RPS6KA6: variants seen among roughly 807,000 people sequenced by gnomAD.
The protein encoded by RPS6KA6 is ribosomal protein S6 kinase A6, also known as ribosomal protein S6 kinase alpha-6.
A neutral mutation model predicts 65.4 loss-of-function variants in RPS6KA6; 27 were observed. The ratio of observed to expected loss-of-function variants is 0.41; its 90% confidence interval spans 0.30 to 0.57. The LOEUF is 0.57. Ranked by LOEUF, RPS6KA6 falls within the 20% of genes least tolerant of loss-of-function variation. RPS6KA6 has a pLI of 0.24. For synonymous variants in RPS6KA6, 190 were observed against 184.2 expected (o/e 1.03, Z -0.26); for missense variants, 486 against 555.6 (o/e 0.87, Z 1.26).
At chrX:84,120,626 G>A (rs2017349269) in intron 8 of RPS6KA6, among the ~76,000 whole-genome samples, 2 of 111,280 alleles carry the variant, frequency 1.8e-5, no homozygotes, top group South Asian at 3.7e-4. Context: ...ATTATATGCT[G>A]AAAACTGGAA....
intron 1 of RPS6KA6, among the ~76,000 whole-genome samples, chrX:84,183,675 C>A (rs189091649): frequency 1.3e-3 from 141 of 111,220 alleles, no homozygotes; most frequent in African/African-American, 4.5e-3. Flanking sequence ...ATTTCCATGC[C>A]TTTTCTTATA....
Position 84,060,803 on chromosome X carries a change from G to T in RPS6KA6, c.*3474C>A, listed in dbSNP as rs1000350432. ...GAACTGAATTTAAAATTATCACCTT[G>T]TTAGATTGCCTGAAGATCCAGCAAC... On this transcript the variant is annotated 3_prime_UTR_variant, in exon 22 of 22. Coordinates refer to ENST00000262752, the MANE Select transcript of RPS6KA6 (RefSeq NM_014496.5). 1 of 111,980 alleles carries T rather than the reference G, an allele frequency of 8.9e-6. No homozygotes were observed. Among genetic ancestry groups the T allele is most frequent in the Non-Finnish European group, 1.9e-5 (1 of 53,171 alleles). The allele number at this position is 111,980 out of a possible 1,213,427, so 9.2% of individuals were successfully genotyped here.
chrX:84,187,263 G>T (rs1308478492), intron 1 of RPS6KA6: 1 of 111,687 alleles, frequency 9.0e-6, no homozygotes. Flanking sequence ...TCTCGACATG[G>T]GTCATTACAA....
At chrX:84,104,193 CTT>C (rs769532825) in intron 17 of RPS6KA6, among the ~76,000 whole-genome samples, 73 of 111,019 alleles carry the variant, frequency 6.6e-4, no homozygotes, top group Non-Finnish European at 1.1e-3. Flanking sequence ...CACTGTATGT[CTT>C]TGGTTAATTC....
chrX:84,067,932 C>G (rs746561635), intron 20 of RPS6KA6, among the ~76,000 whole-genome samples: 2 of 111,856 alleles, frequency 1.8e-5, no homozygotes, highest in South Asian at 7.4e-4. Flanking sequence ...CTGCAGAAAC[C>G]CTACAAGCCT....
intron 2 of RPS6KA6, among the ~76,000 whole-genome samples, chrX:84,158,815 C>T (rs868049224): frequency 9.0e-6 from 1 of 111,340 alleles, no homozygotes; most frequent in African/African-American, 3.3e-5. Context: ...CCCTGGTTGC[C>T]CATAAGAATC....
At chrX:84,097,198 T>C (rs1179665052) in intron 19 of RPS6KA6, among the ~76,000 whole-genome samples, 2 of 111,820 alleles carry the variant, frequency 1.8e-5, no homozygotes, top group African/African-American at 6.5e-5. Context: ...CACTTCTAAA[T>C]AAAAGTGCTA....
chrX:84,141,392 A>C (rs2035099978), intron 6 of RPS6KA6, among the ~76,000 whole-genome samples: 1 of 107,846 alleles, frequency 9.3e-6, no homozygotes, highest in Non-Finnish European at 1.9e-5. Flanking sequence ...ACAACAGCAG[A>C]GATAAAAATG....
chrX:84,099,035 C>T (rs928825690), intron 18 of RPS6KA6, among the ~76,000 whole-genome samples: 1 of 111,090 alleles, frequency 9.0e-6, no homozygotes, highest in Non-Finnish European at 1.9e-5. Context: ...TTCCAATCAT[C>T]ACCATGTTTT....
chrX:84,179,135 C>T (rs756902777), intron 1 of RPS6KA6, among the ~76,000 whole-genome samples: 9 of 111,395 alleles, frequency 8.1e-5, no homozygotes, highest in East Asian at 2.8e-4. Flanking sequence ...AGAATATATA[C>T]GGATGGCAAA....
chrX:84,096,367 AAG>A, intron 19 of RPS6KA6, 56 bp from the exon 20 acceptor site: 1 of 517,280 alleles, frequency 1.9e-6, no homozygotes, highest in Non-Finnish European at 3.1e-6. Context: ...CAAACAATGA[AAG>A]AGATACATAT....
At chrX:84,076,321 T>C (rs2147346093) in intron 20 of RPS6KA6, among the ~76,000 whole-genome samples, 1 of 111,565 alleles carries the variant, frequency 9.0e-6, no homozygotes, top group African/African-American at 3.2e-5. Context: ...AAGACCACTA[T>C]TACACCAATA....
chrX:84,151,514 A>G (rs2035325507), intron 3 of RPS6KA6, among the ~76,000 whole-genome samples: 2 of 110,277 alleles, frequency 1.8e-5, no homozygotes, highest in African/African-American at 6.6e-5. Flanking sequence ...TTTTGAGAAA[A>G]CACCTACGAA....
chrX:84,134,713 CA>C, intron 8 of RPS6KA6, 68 bp downstream of exon 8: 1 of 734,787 alleles, frequency 1.4e-6, no homozygotes, highest in Non-Finnish European at 2.0e-6. Context: ...CAGGCTTAGA[CA>C]AATTTATATT....
chrX:84,161,415 C>A (rs1449351024), intron 2 of RPS6KA6, among the ~76,000 whole-genome samples: 4 of 111,649 alleles, frequency 3.6e-5, no homozygotes, highest in Admixed American at 9.5e-5. Context: ...AATTATTCAT[C>A]TGAGAGTTTT....
chrX:84,081,974 C>A (rs761574130), intron 20 of RPS6KA6, among the ~76,000 whole-genome samples: 8 of 111,973 alleles, frequency 7.1e-5, no homozygotes, highest in Non-Finnish European at 1.1e-4. Flanking sequence ...TTATGAGGAA[C>A]CCATAGCCAA....
At chrX:84,105,940 T>C in intron 15 of RPS6KA6, 64 bp from the exon 16 acceptor site, 1 of 617,175 alleles carries the variant, frequency 1.6e-6, no homozygotes, top group Non-Finnish European at 2.6e-6. Flanking sequence ...AAATGAGTAT[T>C]TTCCATTTGG....
At chrX:84,108,245 C>T (rs900681785) in intron 12 of RPS6KA6, among the ~76,000 whole-genome samples, 5 of 111,638 alleles carry the variant, frequency 4.5e-5, no homozygotes, top group African/African-American at 1.6e-4. Context: ...CTTTTGAAAT[C>T]TATTTTTTAA....
chrX:84,106,301 A>G, intron 15 of RPS6KA6, 64 bp downstream of exon 15: 1 of 1,027,864 alleles, frequency 9.7e-7, no homozygotes. Flanking sequence ...AATGTTTGTC[A>G]GTTGACTCAT....
Sources: allele counts gnomAD v4.1 joint callset (sites outside exome capture counted in the v4.1 genomes callset), GRCh38; gene constraint gnomAD v4.1.1; transcripts MANE v1.5; gene names NCBI Gene and HGNC (gene_info 2026-07-23, HGNC 2026-07-21).